Variants in OXR1 observed in about 807,000 individuals in gnomAD.
OXR1 encodes the protein oxidation resistance protein 1.
A neutral mutation model predicts 104.6 loss-of-function variants in OXR1; 41 were observed. The observed-to-expected ratio is 0.39, with a 90% CI of 0.31 to 0.51. The LOEUF (loss-of-function observed/expected upper bound fraction) is 0.51, where lower values mean the gene tolerates loss of function less well. Among genes scored for constraint, OXR1 ranks in the 20% least tolerant of loss-of-function variants. The pLI is 0.77. For synonymous variants in OXR1, 348 were observed against 348.4 expected (o/e 1.00, Z 0.01); for missense variants, 955 against 1,031.9 (o/e 0.93, Z 1.02).
intron 2 of OXR1, among the ~76,000 whole-genome samples, chr8:106,466,589 A>G (rs1821182544): frequency 6.6e-6 from 1 of 150,880 alleles, no homozygotes; most frequent in African/African-American, 2.4e-5. Flanking sequence ...TCCAGTTTAC[A>G]TTTATTGACT....
At chr8:106,490,730 G>T (rs976398452) in intron 2 of OXR1, among the ~76,000 whole-genome samples, 9 of 152,106 alleles carry the variant, frequency 5.9e-5, no homozygotes, top group African/African-American at 2.2e-4. Flanking sequence ...AAGGACTGAA[G>T]ATGGAAATGT....
chr8:106,726,304 A>G (rs925320246), intron 11 of OXR1: 2 of 1,484,268 alleles, frequency 1.3e-6, no homozygotes, highest in Non-Finnish European at 1.8e-6. Flanking sequence ...TCATAAATAC[A>G]CTCTGGTAAA....
chr8:106,571,917 G>A (rs1038191471), intron 3 of OXR1, among the ~76,000 whole-genome samples: 7 of 152,140 alleles, frequency 4.6e-5, no homozygotes, highest in African/African-American at 1.7e-4. Context: ...CAGATCTTAA[G>A]GCTCAAAAAT....
intron 2 of OXR1, among the ~76,000 whole-genome samples, chr8:106,454,397 G>A (rs1820487367): frequency 1.3e-5 from 2 of 150,470 alleles, no homozygotes; most frequent in East Asian, 3.9e-4. Flanking sequence ...GGAAGGGGAA[G>A]TTGCAGTGAG....
chr8:106,524,645 CAG>C (rs1242423214), intron 3 of OXR1, among the ~76,000 whole-genome samples: 4 of 152,172 alleles, frequency 2.6e-5, no homozygotes, highest in African/African-American at 9.7e-5. Flanking sequence ...AAAAATGAAA[CAG>C]AGAGAGCCCT....
intron 2 of OXR1, among the ~76,000 whole-genome samples, chr8:106,502,526 C>T (rs1371184821): frequency 6.6e-6 from 1 of 152,160 alleles, no homozygotes; most frequent in East Asian, 1.9e-4. Flanking sequence ...AGCAAAATCA[C>T]AAGAATGATG....
intron 2 of OXR1, among the ~76,000 whole-genome samples, chr8:106,506,470 G>A (rs1228243314): frequency 7.9e-5 from 12 of 152,122 alleles, no homozygotes; most frequent in Admixed American, 1.3e-4. Context: ...AAAATTAGCC[G>A]GGTGTGGTGG....
intron 2 of OXR1, among the ~76,000 whole-genome samples, chr8:106,469,028 TTGTTGTTGTG>T (rs1821342727): frequency 6.6e-6 from 1 of 151,538 alleles, no homozygotes; most frequent in Non-Finnish European, 1.5e-5. Flanking sequence ...GTTGTTGTTG[TTGTTGTTGTG>T]TGTGTGTGTA....
intron 2 of OXR1, among the ~76,000 whole-genome samples, chr8:106,448,476 A>G (rs1192520467): frequency 6.6e-6 from 1 of 150,546 alleles, no homozygotes; most frequent in Non-Finnish European, 1.5e-5. Context: ...ATTAAAATAT[A>G]TTAAGCACAT....
intron 1 of OXR1, among the ~76,000 whole-genome samples, chr8:106,273,960 ATAATCT>A (rs896180786): frequency 3.3e-5 from 5 of 152,240 alleles, no homozygotes; most frequent in Non-Finnish European, 7.3e-5. Context: ...TTTAAAAGCG[ATAATCT>A]TAATTTTTAA....
chr8:106,322,667 G>A (rs1814275819), intron 1 of OXR1, among the ~76,000 whole-genome samples: 1 of 152,148 alleles, frequency 6.6e-6, no homozygotes, highest in Non-Finnish European at 1.5e-5. Flanking sequence ...TCTTCCAGCT[G>A]ATAAACAACT....
At chr8:106,324,481 A>C (rs1022488298) in intron 1 of OXR1, among the ~76,000 whole-genome samples, 1 of 152,008 alleles carries the variant, frequency 6.6e-6, no homozygotes, top group Admixed American at 6.6e-5. Context: ...CCTATGTAAT[A>C]AACCTTCACA....
intron 2 of OXR1, among the ~76,000 whole-genome samples, chr8:106,370,809 T>A (rs972072219): frequency 6.6e-6 from 1 of 152,214 alleles, no homozygotes; most frequent in East Asian, 1.9e-4. Flanking sequence ...TAGTATTTTA[T>A]TGAGAATTTT....
intron 2 of OXR1, among the ~76,000 whole-genome samples, chr8:106,485,690 AT>A (rs1040574376): frequency 3.9e-5 from 6 of 152,074 alleles, no homozygotes; most frequent in Non-Finnish European, 7.4e-5. Flanking sequence ...ATATGGCACT[AT>A]TTACAATAGC....
chr8:106,740,581 T>TA (rs757110565), intron 14 of OXR1, 86 bp downstream of exon 14: 74 of 1,107,336 alleles, frequency 6.7e-5, no homozygotes, highest in Non-Finnish European at 9.5e-5. Context: ...AACATTACTT[T>TA]ATTAGTGCAT....
intron 3 of OXR1, among the ~76,000 whole-genome samples, chr8:106,669,323 T>A (rs1826680160): frequency 6.6e-6 from 1 of 151,972 alleles, no homozygotes; most frequent in South Asian, 2.1e-4. Context: ...GATAATGGAG[T>A]AAAGACAGTA....
chr8:106,636,347 C>A (rs1823133634), intron 3 of OXR1, among the ~76,000 whole-genome samples: 1 of 151,298 alleles, frequency 6.6e-6, no homozygotes, highest in Non-Finnish European at 1.5e-5. Flanking sequence ...ACAAGGAGGG[C>A]AAACAGGAAT....
chr8:106,454,564 A>G (rs551735986), intron 2 of OXR1, among the ~76,000 whole-genome samples: 3 of 152,202 alleles, frequency 2.0e-5, no homozygotes, highest in East Asian at 1.9e-4. Context: ...ATGTCCATGT[A>G]TAGGTAGTGA....
At chr8:106,690,402 G>A (rs963872880) in intron 6 of OXR1, among the ~76,000 whole-genome samples, 2 of 150,930 alleles carry the variant, frequency 1.3e-5, no homozygotes, top group Non-Finnish European at 3.0e-5. Context: ...AGATTATACT[G>A]TAATTATACC....
Sources: gnomAD v4.1 joint callset for allele counts (sites outside exome capture counted in the v4.1 genomes callset) on GRCh38, gnomAD v4.1.1 for gene constraint, MANE v1.5 for transcripts, NCBI Gene and HGNC (gene_info 2026-07-23, HGNC 2026-07-21) for gene names.